Variants in SGCG observed in about 807,000 individuals in gnomAD.
SGCG encodes sarcoglycan gamma.
A neutral mutation model predicts 29.3 loss-of-function variants in SGCG; 26 were observed. That is an observed-to-expected ratio of 0.89 (90% CI 0.65 to 1.23). The LOEUF (loss-of-function observed/expected upper bound fraction) is 1.23, where lower values mean the gene tolerates loss of function less well. SGCG is among the 50% of genes most tolerant of loss of function. The pLI, the probability that SGCG is intolerant of heterozygous loss-of-function variation, is 0.00. For synonymous variants in SGCG, 145 were observed against 129.7 expected, an observed-to-expected ratio of 1.12 and a Z score of -0.80; for missense variants, 353 against 356.0, an observed-to-expected ratio of 0.99 and a Z score of 0.07.
At chr13:23,207,493 G>A (rs997299173) in intron 2 of SGCG, among the ~76,000 whole-genome samples, 2 of 152,100 alleles carry the variant, frequency 1.3e-5, no homozygotes, top group Admixed American at 1.3e-4. Context: ...AAGCCTCTCT[G>A]CAGCAAAGAA....
At chr13:23,188,869 C>G (rs35616348) in intron 1 of SGCG, among the ~76,000 whole-genome samples, 1 of 151,986 alleles carries the variant, frequency 6.6e-6, no homozygotes, top group Non-Finnish European at 1.5e-5. Flanking sequence ...GGTGCCACGC[C>G]AATCTACAGG....
At chr13:23,282,985 TTTG>T (rs1326041089) in intron 5 of SGCG, among the ~76,000 whole-genome samples, 1 of 152,182 alleles carries the variant, frequency 6.6e-6, no homozygotes, top group Admixed American at 6.5e-5. Flanking sequence ...TGAGAGATAG[TTTG>T]TTATGATCTC....
chr13:23,248,705 A>G (rs1879830776), intron 3 of SGCG, among the ~76,000 whole-genome samples: 2 of 149,094 alleles, frequency 1.3e-5, no homozygotes, highest in South Asian at 4.3e-4. Flanking sequence ...AAAAGAAAAA[A>G]AAAAAGGCCG....
the SGCG span, among the ~76,000 whole-genome samples, chr13:23,162,163 A>G: frequency 6.6e-6 from 1 of 152,230 alleles, no homozygotes; most frequent in Non-Finnish European, 1.5e-5. Flanking sequence ...TAAAAGTAAC[A>G]TTTTATAAAT....
chr13:23,223,734 G>A (rs1878777757), intron 2 of SGCG, among the ~76,000 whole-genome samples: 1 of 152,124 alleles, frequency 6.6e-6, no homozygotes, highest in Admixed American at 6.5e-5. Context: ...TTGGGAGGCT[G>A]AGGAGGGCAG....
intron 6 of SGCG, among the ~76,000 whole-genome samples, chr13:23,300,487 C>T (rs1029694035): frequency 6.6e-6 from 1 of 152,082 alleles, no homozygotes; most frequent in African/African-American, 2.4e-5. Context: ...TCCTGACCTC[C>T]CATGAATCAG....
intron 6 of SGCG, among the ~76,000 whole-genome samples, chr13:23,312,815 G>A (rs1221739841): frequency 1.4e-4 from 8 of 57,782 alleles, no homozygotes; most frequent in African/African-American, 3.4e-4. Flanking sequence ...TTCCAAATGT[G>A]ACATTTGAAA....
chr13:23,189,007 C>T (rs1253898318), intron 1 of SGCG, among the ~76,000 whole-genome samples: 3 of 152,132 alleles, frequency 2.0e-5, no homozygotes, highest in Non-Finnish European at 4.4e-5. Context: ...TGGTGGAGAC[C>T]ACTAACCTTT....
At chr13:23,295,393 T>C (rs377655825) in intron 5 of SGCG, 22 bp from the exon 6 acceptor site, 14 of 1,579,966 alleles carry the variant, frequency 8.9e-6, no homozygotes, top group African/African-American at 1.3e-5. Flanking sequence ...CTGCTCCTGA[T>C]ACATCTTTGT....
intron 2 of SGCG, among the ~76,000 whole-genome samples, chr13:23,212,436 A>T (rs1013559174): frequency 6.7e-6 from 1 of 149,572 alleles, no homozygotes; most frequent in Non-Finnish European, 1.5e-5. Context: ...GGATCATGTC[A>T]GTTGAGCCTG....
intron 4 of SGCG, among the ~76,000 whole-genome samples, chr13:23,275,145 A>ATATATATAT: frequency 6.7e-6 from 1 of 148,550 alleles, no homozygotes; most frequent in East Asian, 2.0e-4. Flanking sequence ...ATATATATAG[A>ATATATATAT]AATGAGGACG....
rs143540721 is a variant in SGCG at position 23,191,056 on chromosome 13, C to G, written c.-1+9981C>G. 6.3e-3 allele frequency among the ~76,000 whole-genome samples: 953 copies of G among 152,250 alleles called. 11 individuals carry two copies. The highest frequency in any genetic ancestry group is 0.022 in the African/African-American group (917 of 41,530). On this transcript the variant is annotated intron_variant, in intron 1 of 7. Transcript: ENST00000218867. ...CAGAACACAAAATCAACAACAGAAACTTTAAAAAATACATCTATATATATA... is the reference window on the plus strand; with the variant it reads ...CAGAACACAAAATCAACAACAGAAAGTTTAAAAAATACATCTATATATATA...
At chr13:23,177,699 G>A (rs1876603960), upstream of SGCG, among the ~76,000 whole-genome samples, 1 of 150,072 alleles carries the variant, frequency 6.7e-6, no homozygotes, top group Non-Finnish European at 1.5e-5. Context: ...AGCCTCCCAA[G>A]TAGCTGGGAT....
intron 2 of SGCG, among the ~76,000 whole-genome samples, 157 bp downstream of exon 2, chr13:23,204,046 G>A (rs376870975): frequency 1.1e-4 from 16 of 151,160 alleles, no homozygotes; most frequent in Middle Eastern, 3.4e-3. Context: ...TAGCATTTAC[G>A]TTTTTCCCTT....
At chr13:23,287,500 C>T (rs1881537654) in intron 5 of SGCG, among the ~76,000 whole-genome samples, 1 of 152,196 alleles carries the variant, frequency 6.6e-6, no homozygotes, top group African/African-American at 2.4e-5. Context: ...CTGTGAGACC[C>T]TGAGCACAGA....
At chr13:23,257,399 A>G (rs1242398279) in intron 4 of SGCG, among the ~76,000 whole-genome samples, 1 of 151,862 alleles carries the variant, frequency 6.6e-6, no homozygotes, top group African/African-American at 2.4e-5. Context: ...CCCTAATGCT[A>G]TCCCTACCCC....
intron 1 of SGCG, among the ~76,000 whole-genome samples, chr13:23,187,106 C>T (rs948273971): frequency 6.6e-6 from 1 of 152,136 alleles, no homozygotes; most frequent in Admixed American, 6.5e-5. Context: ...CTACTGGGCC[C>T]ATGCATGGCC....
the SGCG span, among the ~76,000 whole-genome samples, chr13:23,169,323 C>G: frequency 6.6e-6 from 1 of 151,486 alleles, no homozygotes. Context: ...CTTTCTACTT[C>G]TGGTTGCATT....
chr13:23,262,281 TC>T (rs1880470558), intron 4 of SGCG, among the ~76,000 whole-genome samples: 1 of 151,796 alleles, frequency 6.6e-6, no homozygotes, highest in Admixed American at 6.6e-5. Context: ...GGAAGGATTC[TC>T]ATAGACTCAA....
Sources: allele counts gnomAD v4.1 joint callset (sites outside exome capture counted in the v4.1 genomes callset), GRCh38; gene constraint gnomAD v4.1.1; transcripts MANE v1.5; gene names NCBI Gene and HGNC (gene_info 2026-07-23, HGNC 2026-07-21).